The following ARAP1 variants were observed in gnomAD, a reference collection of about 807,000 sequenced individuals.
The protein encoded by ARAP1 is arf-GAP with Rho-GAP domain, ANK repeat and PH domain-containing protein 1.
ARAP1 carries 76 observed loss-of-function variants against 172.2 expected under a neutral mutation model. That is an observed-to-expected ratio of 0.44 (90% CI 0.37 to 0.53). The LOEUF is 0.53. ARAP1 is among the 20% of genes least tolerant of loss of function. The pLI is 0.00. For synonymous variants in ARAP1, 804 were observed against 803.3 expected (o/e 1.00, Z -0.01); for missense variants, 1,686 against 1,977.5 (o/e 0.85, Z 2.80).
chr11:72,707,118 C>G lies in ARAP1; in HGVS notation c.1723+57G>C, dbSNP rs1363940675. 9.5e-6 allele frequency: 14 copies of G among 1,475,130 alleles called. No homozygotes were observed. The Admixed American group carries it at 3.1e-4, about 33-fold the overall frequency. 91.4% of individuals were successfully genotyped at this position (1,475,130 alleles called of 1,614,324 possible). On this transcript the variant is annotated intron_variant, in intron 12 of 34. Coordinates refer to ENST00000393609, the MANE Select transcript of ARAP1 (RefSeq NM_001040118.3). ...CTCCTCCAGATAGGATACCTGCCAT[C>G]CCAACTGGCCAACCCCGCCATGCCT... is the stretch of plus-strand genomic sequence containing the variant.
chr11:72,697,629 TCTCA>T lies in ARAP1; in HGVS notation c.2754_2757del (p.Ser918ArgfsTer54). The T allele has an allele frequency of 1.9e-6, 3 of 1,614,134 alleles. No individual in the cohort carries two copies. Among genetic ancestry groups the T allele is most frequent in the Non-Finnish European group, 1.7e-6 (2 of 1,179,994 alleles). ...CGCTCCACCAGCACCAGCACCTGGT[TCTCA>T]CTGTCCCCCTGGATGGCTGTGGAGG... On this transcript the variant is annotated frameshift_variant, in exon 20 of 35. Coordinates refer to ENST00000393609, the MANE Select transcript of ARAP1 (RefSeq NM_001040118.3). LOFTEE classifies it high-confidence loss of function.
At chr11:72,705,562 CTTTT>C (rs933605727) in intron 13 of ARAP1, 12 of 478,852 alleles carry the variant, frequency 2.5e-5, no homozygotes, top group South Asian at 3.6e-5. Flanking sequence ...CATTTTCTTC[CTTTT>C]TTTTTCTTTA....
At position 72,697,083 on chromosome 11, in the gene ARAP1, C is replaced by G. The variant is rs1856234452; in HGVS notation, c.3066G>C (p.Gln1022His). The stretch of plus-strand genomic sequence containing the variant: ...GCGCCGAGGAAACATCATCCACGTG[C>G]TGCTCGCCCTCCTTGAGGTGCACAG... Reference protein sequence around the residue: ...ARSVHLKEGEQHVDDVSSALK... With the variant: ...ARSVHLKEGEHHVDDVSSALK... The change falls in exon 22 of 35, where the codon CAG becomes CAC. Residue 1022 changes from glutamine (Q) to histidine (H), a missense_variant. Gln to His is a conservative substitution (Grantham distance 24). Transcript: ENST00000393609. The G allele has an allele frequency of 1.2e-6, 2 of 1,609,726 alleles. No individual in the cohort carries two copies. The highest frequency in any genetic ancestry group is 2.7e-5 in the African/African-American group (2 of 74,938).
rs776649731 is a variant in ARAP1, at chr11:72,712,195, C to A, written c.1022+1G>T. 2.5e-6 allele frequency: 4 copies of A among 1,598,796 alleles called. No homozygotes were observed. Among genetic ancestry groups the A allele is most frequent in the East Asian group, 2.2e-5 (1 of 44,766 alleles). ...AGCAGGACCCAAGAGGCCTCACTCA[C>A]CCCTGCGGTGGGTTCTTGTCCAGCC... On this transcript the variant is annotated splice_donor_variant, in intron 7 of 34. Coordinates refer to ENST00000393609, the MANE Select transcript of ARAP1 (RefSeq NM_001040118.3). LOFTEE classifies it high-confidence loss of function.
chr11:72,699,410 T>C lies in ARAP1; in HGVS notation c.2438+7A>G. ...AACCACAGTCTGATTTGCCCAGGAG[T>C]ACTCACCCATGGGTGTCAGGAGGGG... On this transcript the variant is annotated splice_region_variant and intron_variant, in intron 17 of 34. Coordinates refer to ENST00000393609, the MANE Select transcript of ARAP1 (RefSeq NM_001040118.3). This position sits in a 1 kb window ranked among gnomAD's most constrained non-coding sequence, Gnocchi z 4.2. The C allele has an allele frequency of 1.9e-6, 3 of 1,613,856 alleles. No homozygotes were observed. The highest frequency in any genetic ancestry group is 2.5e-6 in the Non-Finnish European group (3 of 1,179,958).
At position 72,726,998 on chromosome 11, in the gene ARAP1, G is replaced by A. The variant is rs923979990; in HGVS notation, c.131C>T (p.Thr44Ile). Residue 44 changes from threonine to isoleucine, a missense_variant, in exon 3 of 35, where the codon ACC (threonine) becomes ATC (isoleucine). Physicochemically the swap from Thr to Ile is moderately conservative, Grantham distance 89. This residue lies in a region of ARAP1 where 190 missense variants were observed against 228.6 expected (regional missense o/e 0.83). Coordinates refer to ENST00000393609, the MANE Select transcript of ARAP1 (RefSeq NM_001040118.3). The surrounding 1 kb of genome is among the most constrained non-coding windows in gnomAD (Gnocchi z 6.5). ...TAGCATGCCCATGTCCATCAGGCGG[G>A]TGTCGCTGAGGCCTTGGCACTCAGT... ...WATECQGLSD[T>I]RLMDMGMLLP... 1 of 1,606,434 alleles carries A rather than the reference G, an allele frequency of 6.2e-7. No individual in the cohort carries two copies. Among genetic ancestry groups the A allele is most frequent in the East Asian group, 2.2e-5 (1 of 44,526 alleles).
rs143890033 is a variant in ARAP1, at chr11:72,702,798, A to G, written c.2167+107T>C. The stretch of plus-strand genomic sequence containing the variant: ...GCACACCCCAGCTCACACATGATTT[A>G]TCACAGGCCCTTGAGGAGCTGCGAT... On this transcript the variant is annotated intron_variant, in intron 15 of 34. Transcript: ENST00000393609. 316 of 1,383,726 alleles carry G rather than the reference A, an allele frequency of 2.3e-4. 5 individuals are homozygous for G. The East Asian group carries it at 7.7e-3, about 34-fold the overall frequency. The allele number at this position is 1,383,726 out of a possible 1,614,324, so 85.7% of individuals were successfully genotyped here. A position where few individuals can be genotyped will look rare whatever the true frequency, so the allele number is the denominator to read the frequency against.
chr11:72,695,711 G>A lies in ARAP1; in HGVS notation c.3420+7C>T, dbSNP rs903526504. 6.2e-7 allele frequency: 1 copy of A among 1,614,160 alleles called. No individual in the cohort carries two copies. The highest frequency in any genetic ancestry group is 8.5e-7 in the Non-Finnish European group (1 of 1,180,008). The stretch of plus-strand genomic sequence containing the variant: ...TGCCCTCCACTGCCCACTGGCCAGG[G>A]ACGCACACTAAACACCACCACATAG... On this transcript the variant is annotated splice_region_variant and intron_variant, in intron 24 of 34. Coordinates refer to ENST00000393609, the MANE Select transcript of ARAP1 (RefSeq NM_001040118.3). This position sits in a 1 kb window ranked among gnomAD's most constrained non-coding sequence, Gnocchi z 4.4.
chr11:72,731,884 T>A (rs1473630396), intron 2 of ARAP1, among the ~76,000 whole-genome samples: 1 of 152,224 alleles, frequency 6.6e-6, no homozygotes, highest in East Asian at 1.9e-4. Context: ...TGGAATTTGT[T>A]GAGACCAGCA....
chr11:72,701,660 C>G lies in ARAP1; in HGVS notation c.2291G>C (p.Arg764Pro), dbSNP rs1380200797. ...ASAGKLLQDR[R>P]AREEFSRRWC... is the part of the protein sequence containing the mutation. ...GGGGTGGCACCCACCTTCCCGGGCC[C>G]GGCGGTCCTGTAGCAGCTTGCCGGC... The change falls in exon 16 of 35, where the codon CGG (arginine) becomes CCG (proline). Residue 764 changes from arginine to proline, a missense_variant. Arg to Pro is a moderately radical substitution (Grantham distance 103). Transcript: ENST00000393609. 1.9e-6 allele frequency: 3 copies of G among 1,613,276 alleles called. No homozygotes were observed. Among genetic ancestry groups the G allele is most frequent in the Non-Finnish European group, 2.5e-6 (3 of 1,179,648 alleles).
At position 72,693,168 on chromosome 11, in the gene ARAP1, C is replaced by G. The variant is rs1351646945; in HGVS notation, c.3954+157G>C. ...CTAGAGTGGCCGTCCAGGGCCACAGCAGGAGGGGTCTTGAGAGTCTACAGT... is the reference window on the plus strand; with the variant it reads ...CTAGAGTGGCCGTCCAGGGCCACAGGAGGAGGGGTCTTGAGAGTCTACAGT... On this transcript the variant is annotated intron_variant, in intron 29 of 34. Coordinates refer to ENST00000393609, the MANE Select transcript of ARAP1 (RefSeq NM_001040118.3). This position sits in a 1 kb window ranked among gnomAD's most constrained non-coding sequence, Gnocchi z 4.6. The G allele has an allele frequency of 8.4e-7, 1 of 1,192,308 alleles. No homozygotes were observed. The highest frequency in any genetic ancestry group is 1.6e-5 in the South Asian group (1 of 64,220). 73.9% of individuals were successfully genotyped at this position (1,192,308 alleles called of 1,614,324 possible). A position where few individuals can be genotyped will look rare whatever the true frequency, so the allele number is the denominator to read the frequency against.
intron 1 of ARAP1, among the ~76,000 whole-genome samples, chr11:72,738,552 G>A (rs1858105166): frequency 1.3e-5 from 2 of 152,026 alleles, no homozygotes; most frequent in South Asian, 2.1e-4. Context: ...CCTAACTGAG[G>A]CCTCAGCTTG....
intron 2 of ARAP1, among the ~76,000 whole-genome samples, chr11:72,729,645 T>C (rs1702974070): frequency 6.6e-6 from 1 of 151,364 alleles, no homozygotes; most frequent in Non-Finnish European, 1.5e-5. Context: ...GGGCTGGGTA[T>C]GGTGGCTCAC....
chr11:72,722,380 G>A, intron 3 of ARAP1: 1 of 985,050 alleles, frequency 1.0e-6, no homozygotes, highest in Non-Finnish European at 1.2e-6. Flanking sequence ...CCCCGGGGCA[G>A]ACACTTCCTC....
intron 5 of ARAP1, chr11:72,712,869 G>A: frequency 1.7e-6 from 1 of 599,764 alleles, no homozygotes; most frequent in Non-Finnish European, 3.0e-6. Context: ...AACACAAGAA[G>A]TGAAACAGAG....
chr11:72,724,618 T>C (rs1857632797), intron 3 of ARAP1, among the ~76,000 whole-genome samples: 1 of 151,574 alleles, frequency 6.6e-6, no homozygotes, highest in African/African-American at 2.4e-5. Flanking sequence ...CTGCTGTGAG[T>C]TTTTCCTACC....
At chr11:72,685,703 A>G in intron 34 of ARAP1, 22 bp from the exon 35 acceptor site, 8 of 1,613,942 alleles carry the variant, frequency 5.0e-6, no homozygotes, top group Non-Finnish European at 6.8e-6. Context: ...CAAGAGACCC[A>G]CAGGTATTTT....
At chr11:72,713,514 G>T (rs1242691177) in intron 4 of ARAP1, among the ~76,000 whole-genome samples, 1 of 152,190 alleles carries the variant, frequency 6.6e-6, no homozygotes, top group African/African-American at 2.4e-5. Flanking sequence ...GACTGTCAAA[G>T]GCAACAAGAA....
chr11:72,704,700 C>T, intron 13 of ARAP1: 1 of 223,432 alleles, frequency 4.5e-6, no homozygotes, highest in Non-Finnish European at 8.9e-6. Flanking sequence ...AACCTGTCAG[C>T]CAATGGGGTG....
Sources: gnomAD v4.1 joint callset for allele counts (sites outside exome capture counted in the v4.1 genomes callset) on GRCh38, gnomAD v4.1.1 for gene constraint, gnomAD v4.1.1 regional missense constraint, Gnocchi (gnomAD v3.1) non-coding constraint, MANE v1.5 for transcripts, NCBI Gene and HGNC (gene_info 2026-07-23, HGNC 2026-07-21) for gene names.